The following PLEKHA5 variants were observed in gnomAD, a reference collection of about 807,000 sequenced individuals.
The protein encoded by PLEKHA5 is pleckstrin homology domain-containing family A member 5.
A neutral mutation model predicts 181.9 loss-of-function variants in PLEKHA5; 55 were observed. The observed-to-expected ratio is 0.30, with a 90% confidence interval of 0.24 to 0.38. The LOEUF (loss-of-function observed/expected upper bound fraction) is 0.38, where lower values mean the gene tolerates loss of function less well. PLEKHA5 is among the 10% of genes least tolerant of loss of function. PLEKHA5 has a pLI of 1.00. For synonymous variants in PLEKHA5, 535 were observed against 529.4 expected (o/e 1.01, Z -0.15); for missense variants, 1,432 against 1,549.5 (o/e 0.92, Z 1.27).
chr12:19,309,142 T>C (rs1389928182), intron 15 of PLEKHA5, among the ~76,000 whole-genome samples: 2 of 152,174 alleles, frequency 1.3e-5, no homozygotes, highest in Non-Finnish European at 2.9e-5. Context: ...GGTTTAACTT[T>C]GGACGGTTAT....
chr12:19,287,355 G>A, intron 12 of PLEKHA5, 118 bp from the exon 13 acceptor site: 1 of 713,550 alleles, frequency 1.4e-6, no homozygotes, highest in Non-Finnish European at 2.5e-6. Context: ...TCTTTCATAA[G>A]CACTAATAGC....
chr12:19,205,942 G>A (rs796313471), intron 3 of PLEKHA5, among the ~76,000 whole-genome samples: 43 of 152,092 alleles, frequency 2.8e-4, no homozygotes, highest in African/African-American at 8.4e-4. Flanking sequence ...TAAAAAGGTC[G>A]TTTAAAAATG....
chr12:19,157,043 G>A (rs1055016532), intron 3 of PLEKHA5, among the ~76,000 whole-genome samples: 2 of 151,118 alleles, frequency 1.3e-5, no homozygotes, highest in Non-Finnish European at 2.9e-5. Flanking sequence ...GTGACAGAGT[G>A]AGAATCTGTC....
At chr12:19,171,252 C>T (rs1176458024) in intron 3 of PLEKHA5, among the ~76,000 whole-genome samples, 1 of 152,084 alleles carries the variant, frequency 6.6e-6, no homozygotes, top group Non-Finnish European at 1.5e-5. Context: ...TGAGCATTTA[C>T]ATTCTGTGAC....
chr12:19,284,570 T>C (rs957008768), intron 12 of PLEKHA5, among the ~76,000 whole-genome samples: 1 of 152,260 alleles, frequency 6.6e-6, no homozygotes, highest in African/African-American at 2.4e-5. Flanking sequence ...CTTAATGGTA[T>C]GTATACATTT....
intron 3 of PLEKHA5, among the ~76,000 whole-genome samples, chr12:19,172,455 A>C (rs2046129902): frequency 6.6e-6 from 1 of 152,094 alleles, no homozygotes; most frequent in Admixed American, 6.6e-5. Context: ...AAAACAAACG[A>C]CCCGGGGGGG....
intron 3 of PLEKHA5, among the ~76,000 whole-genome samples, chr12:19,239,028 G>T (rs1256588173): frequency 1.3e-5 from 2 of 152,130 alleles, no homozygotes; most frequent in Non-Finnish European, 2.9e-5. Context: ...AGTAAACTCA[G>T]ATGGAATAGT....
intron 30 of PLEKHA5, 112 bp downstream of exon 30, chr12:19,366,221 A>C: frequency 1.2e-6 from 1 of 862,674 alleles, no homozygotes; most frequent in Non-Finnish European, 1.8e-6. Context: ...TTGACTACAG[A>C]TGAGTCAACG....
At chr12:19,269,394 AG>A (rs1214960810) in intron 8 of PLEKHA5, among the ~76,000 whole-genome samples, 159 of 79,604 alleles carry the variant, frequency 2.0e-3, no homozygotes, top group Admixed American at 3.0e-3. Context: ...CTCAAAAAAA[AG>A]AAAAAAAAAA....
chr12:19,229,122 C>T (rs2152359587), intron 3 of PLEKHA5, among the ~76,000 whole-genome samples: 1 of 152,270 alleles, frequency 6.6e-6, no homozygotes, highest in South Asian at 2.1e-4. Flanking sequence ...TTAAGTCACT[C>T]ATAGCAGAGA....
At chr12:19,273,732 C>G in intron 10 of PLEKHA5, among the ~76,000 whole-genome samples, 1 of 152,178 alleles carries the variant, frequency 6.6e-6, no homozygotes, top group East Asian at 1.9e-4. Flanking sequence ...CTCATTCTTT[C>G]AGTGGCCAGG....
intron 25 of PLEKHA5, among the ~76,000 whole-genome samples, chr12:19,350,777 GCAAA>G (rs2094554177): frequency 6.6e-6 from 1 of 151,880 alleles, no homozygotes; most frequent in Non-Finnish European, 1.5e-5. Context: ...AAACACAAAA[GCAAA>G]CAAACAAGAA....
At position 19,255,125 on chromosome 12, in the gene PLEKHA5, C is replaced by A. The variant is rs1335473595; in HGVS notation, c.392C>A (p.Thr131Asn). The A allele has an allele frequency of 6.2e-7, 1 of 1,608,562 alleles. No individual in the cohort carries two copies. The highest frequency in any genetic ancestry group is 1.3e-5 in the African/African-American group (1 of 74,822). Residue 131 changes from threonine to asparagine, a missense_variant, in exon 5 of 32, where the codon ACT becomes AAT. Transcript: ENST00000429027. ...AATGAAGCTTCTAACTATAACGTGACTTCAGATTATGCAGTGCATCCAATG... is the reference window on the plus strand; with the variant it reads ...AATGAAGCTTCTAACTATAACGTGAATTCAGATTATGCAGTGCATCCAATG... ...MINEASNYNV[T>N]SDYAVHPMSP...
At chr12:19,366,426 A>G (rs553387655) in intron 30 of PLEKHA5, among the ~76,000 whole-genome samples, 1,638 of 152,220 alleles carry the variant, frequency 0.011, 11 homozygotes, top group Non-Finnish European at 0.017. Flanking sequence ...AGGCCGAGGC[A>G]GGTGGACCAC....
At chr12:19,176,957 T>G (rs1284856136) in intron 3 of PLEKHA5, among the ~76,000 whole-genome samples, 5 of 152,022 alleles carry the variant, frequency 3.3e-5, no homozygotes, top group African/African-American at 1.2e-4. Context: ...TCTGACTCCC[T>G]GGTTCAAGCG....
chr12:19,200,555 C>T (rs1592041682), intron 3 of PLEKHA5: 1 of 1,298,004 alleles, frequency 7.7e-7, no homozygotes. Flanking sequence ...TCCTCTTTTC[C>T]TCATTCCTAG....
chr12:19,283,840 G>GTAA (rs2076667329), intron 12 of PLEKHA5, 95 bp downstream of exon 12: 1 of 736,142 alleles, frequency 1.4e-6, no homozygotes, highest in African/African-American at 1.8e-5. Context: ...ACAAAAGAAT[G>GTAA]GGGATAAAGT....
At chr12:19,345,982 T>C (rs1469493213) in intron 23 of PLEKHA5, 94 bp downstream of exon 23, 1 of 626,336 alleles carries the variant, frequency 1.6e-6, no homozygotes, top group South Asian at 2.0e-5. Context: ...ATAACAAAAA[T>C]ATTTTTTAAA....
intron 15 of PLEKHA5, among the ~76,000 whole-genome samples, chr12:19,295,181 T>C (rs2079448938): frequency 6.6e-6 from 1 of 152,230 alleles, no homozygotes; most frequent in South Asian, 2.1e-4. Context: ...ATGTAGAGAA[T>C]GAATAAATGC....
Sources: gnomAD v4.1 joint callset for allele counts (sites outside exome capture counted in the v4.1 genomes callset) on GRCh38, gnomAD v4.1.1 for gene constraint, MANE v1.5 for transcripts, NCBI Gene and HGNC (gene_info 2026-07-23, HGNC 2026-07-21) for gene names.